Variants in ZNF827 observed in about 807,000 individuals in gnomAD.
The protein encoded by ZNF827 is zinc finger protein 827.
Under a neutral mutation model 102.4 loss-of-function variants are expected in ZNF827, and 13 were observed. The ratio of observed to expected loss-of-function variants is 0.13; its 90% confidence interval spans 0.08 to 0.20. The LOEUF is 0.20. Ranked by LOEUF, ZNF827 falls within the 10% of genes least tolerant of loss-of-function variation. The pLI is 1.00. For synonymous variants in ZNF827, 523 were observed against 536.2 expected, an observed-to-expected ratio of 0.98 and a Z score of 0.34; for missense variants, 1,103 against 1,344.4, an observed-to-expected ratio of 0.82 and a Z score of 2.81.
intron 8 of ZNF827, among the ~76,000 whole-genome samples, chr4:145,822,484 G>A (rs1249124454): frequency 6.6e-6 from 1 of 152,214 alleles, no homozygotes; most frequent in Non-Finnish European, 1.5e-5. Flanking sequence ...TGAGTATGTG[G>A]AGGAGACTTG....
Position 145,938,317 on chromosome 4 carries a change from G to T in ZNF827, c.43+48C>A. The T allele has an allele frequency of 1.9e-6, 3 of 1,610,810 alleles. No homozygotes were observed. In the South Asian group the frequency reaches 3.3e-5, roughly 18 times the overall value. On this transcript the variant is annotated intron_variant, in intron 1 of 14. Coordinates refer to ENST00000508784, the MANE Select transcript of ZNF827 (RefSeq NM_001306215.2). Reference sequence around the variant, plus strand: ...AGGCTGCGGAGGGGAAAGAGGAGAGGGAGGGCGAGAAAATGGCACGAGAGG... The same window carrying T: ...AGGCTGCGGAGGGGAAAGAGGAGAGTGAGGGCGAGAAAATGGCACGAGAGG...
In ZNF827 at chr4:145,902,396, G is replaced by A. The variant is rs750093583; in HGVS notation, c.863C>T (p.Ala288Val). 11 of 1,613,968 alleles carry A rather than the reference G, an allele frequency of 6.8e-6. No individual in the cohort carries two copies. Among genetic ancestry groups the A allele is most frequent in the South Asian group, 3.3e-5 (3 of 91,072 alleles). ...FLSLASMTSS[A>V]ALLKEVAARA... ...TGCGGCCACCTCCTTCAGAAGGGCCGCTGAGGAGGTCATAGAAGCCAGGGA... is the reference window on the plus strand; with the variant it reads ...TGCGGCCACCTCCTTCAGAAGGGCCACTGAGGAGGTCATAGAAGCCAGGGA... Residue 288 changes from alanine to valine, a missense_variant, in exon 2 of 15, where the codon GCG becomes GTG. Physicochemically the swap from Ala to Val is moderately conservative, Grantham distance 64. Transcript: ENST00000508784. This position sits in a 1 kb window ranked among gnomAD's most constrained non-coding sequence, Gnocchi z 4.3.
At chr4:145,787,137 C>T (rs539258060) in intron 8 of ZNF827, among the ~76,000 whole-genome samples, 1 of 152,346 alleles carries the variant, frequency 6.6e-6, no homozygotes, top group Non-Finnish European at 1.5e-5. Context: ...CAAGGTGTTA[C>T]CTCAATGAAC....
intron 7 of ZNF827, 87 bp downstream of exon 7, chr4:145,845,869 A>C: frequency 7.3e-7 from 1 of 1,367,856 alleles, no homozygotes; most frequent in Non-Finnish European, 1.0e-6. Context: ...AGTGGGAGAA[A>C]GAGGTTTGGG....
chr4:145,883,167 C>G (rs1050366291), intron 4 of ZNF827, among the ~76,000 whole-genome samples: 1 of 152,072 alleles, frequency 6.6e-6, no homozygotes, highest in Admixed American at 6.6e-5. Context: ...CATTTACATC[C>G]AAATATGCAC....
At chr4:145,856,682 TACACACACACACACACACACACAC>T (rs58347486) in intron 5 of ZNF827, among the ~76,000 whole-genome samples, 5 of 141,784 alleles carry the variant, frequency 3.5e-5, no homozygotes, top group Admixed American at 2.1e-4. Context: ...AGTACACACA[TACACACACACACACACACACACAC>T]ACACACACAC....
intron 1 of ZNF827, among the ~76,000 whole-genome samples, chr4:145,903,995 G>T (rs983321085): frequency 2.6e-5 from 4 of 152,098 alleles, no homozygotes; most frequent in Non-Finnish European, 5.9e-5. Flanking sequence ...ACAGGCAGCG[G>T]TTAGGAATGT....
intron 4 of ZNF827, among the ~76,000 whole-genome samples, chr4:145,873,085 G>A (rs537033696): frequency 2.0e-5 from 3 of 150,910 alleles, no homozygotes; most frequent in South Asian, 2.1e-4. Context: ...ACAGGCGCCC[G>A]CCACCATGCC....
chr4:145,832,679 C>T (rs1744350687), intron 7 of ZNF827: 1 of 152,236 alleles, frequency 6.6e-6, no homozygotes, highest in Non-Finnish European at 1.5e-5. Context: ...GCCTAGATGG[C>T]CTGAAGTAAC....
At chr4:145,876,731 A>G (rs947734553) in intron 4 of ZNF827, 16 of 152,212 alleles carry the variant, frequency 1.1e-4, no homozygotes, top group African/African-American at 3.9e-4. Flanking sequence ...AGAATTACAG[A>G]TGGCTTTAGG....
intron 4 of ZNF827, among the ~76,000 whole-genome samples, chr4:145,873,510 C>T (rs1748892214): frequency 6.6e-6 from 1 of 152,194 alleles, no homozygotes; most frequent in South Asian, 2.1e-4. Context: ...TAGACCACAG[C>T]ATTACTGAAA....
At position 145,759,458 on chromosome 4, in the gene ZNF827, C is replaced by T. The variant is rs1373782793; in HGVS notation, c.*2158G>A. On this transcript the variant is annotated 3_prime_UTR_variant, in exon 15 of 15. Coordinates refer to ENST00000508784, the MANE Select transcript of ZNF827 (RefSeq NM_001306215.2). ...TAGCCTCCTAGCAGGTTACATCTAC[C>T]AGGCGTTAACAAAATGGAATACAGA... 6.6e-6 allele frequency: 1 copy of T among 152,154 alleles called. No individual in the cohort carries two copies. The highest frequency in any genetic ancestry group is 1.5e-5 in the Non-Finnish European group (1 of 68,040). The allele number at this position is 152,154 out of a possible 1,614,324, so 9.4% of individuals were successfully genotyped here.
rs922477103 is a variant in ZNF827 at position 145,763,406 on chromosome 4, T to C, written c.3231-284A>G. On this transcript the variant is annotated intron_variant, in intron 13 of 14. Transcript: ENST00000508784. This position sits in a 1 kb window ranked among gnomAD's most constrained non-coding sequence, Gnocchi z 4.6. ...CAAAACAAAACAAAGACTCACTGTA[T>C]AGCCAGAAGGCATTATCAATTTTTT... is the stretch of plus-strand genomic sequence containing the variant. Among the ~76,000 whole-genome samples the C allele has an allele frequency of 6.6e-6, 1 of 152,252 alleles. No homozygotes were observed. The highest frequency in any genetic ancestry group is 2.4e-5 in the African/African-American group (1 of 41,468).
chr4:145,870,460 G>A lies in ZNF827; in HGVS notation c.1766C>T (p.Pro589Leu). Reference sequence around the variant, plus strand: ...TTTCACTTTAAAATTAAGATTCATGGGCTCCTTCTGATTTGCAGCTGTCAA... The same window carrying A: ...TTTCACTTTAAAATTAAGATTCATGAGCTCCTTCTGATTTGCAGCTGTCAA... ...MKLSAANQKE[P>L]MNLNFKVKEE... Residue 589 changes from proline to leucine, a missense_variant, in exon 5 of 15, where the codon CCC becomes CTC. Around this residue, in one of 5 missense-constraint regions of ZNF827, gnomAD observed 243 missense variants for 251.6 expected, o/e 0.97. Coordinates refer to ENST00000508784, the MANE Select transcript of ZNF827 (RefSeq NM_001306215.2). The A allele has an allele frequency of 6.2e-7, 1 of 1,613,876 alleles. No individual in the cohort carries two copies. The highest frequency in any genetic ancestry group is 1.1e-5 in the South Asian group (1 of 91,056).
In ZNF827 at chr4:145,765,004, G is replaced by A; in HGVS notation, c.3214C>T (p.Pro1072Ser). 1.2e-6 allele frequency: 2 copies of A among 1,613,602 alleles called. No individual in the cohort carries two copies. The highest frequency in any genetic ancestry group is 1.7e-6 in the Non-Finnish European group (2 of 1,179,756). ...LLEHKKCHTV[P>S]TGGLNSGQW ...TTTCCTTACTTGAGCCCACCGGTGG[G>A]GACAGTGTGGCATTTCTTATGCTCC... The change falls in exon 13 of 15, where the codon CCC (proline) becomes TCC (serine). Residue 1072 changes from proline (P) to serine (S), a missense_variant. By Grantham distance (74) the Pro-to-Ser change is moderately conservative. Transcript: ENST00000508784. The surrounding 1 kb of genome is among the most constrained non-coding windows in gnomAD (Gnocchi z 4.7).
chr4:145,809,828 C>G (rs968043470), intron 8 of ZNF827, among the ~76,000 whole-genome samples: 3 of 152,104 alleles, frequency 2.0e-5, no homozygotes, highest in Non-Finnish European at 4.4e-5. Context: ...CATTCCCTAG[C>G]CCCCTGCCCA....
chr4:145,879,213 G>A (rs751235062), intron 4 of ZNF827, among the ~76,000 whole-genome samples: 1 of 152,116 alleles, frequency 6.6e-6, no homozygotes, highest in Non-Finnish European at 1.5e-5. Flanking sequence ...CTTTGCAGCC[G>A]AAACCTTTAA....
chr4:145,856,985 G>GCGCACACACACA (rs140194085), intron 5 of ZNF827, among the ~76,000 whole-genome samples: 24 of 140,156 alleles, frequency 1.7e-4, no homozygotes, highest in Middle Eastern at 3.7e-3. Context: ...GCACGCGCAC[G>GCGCACACACACA]CACACACACA....
chr4:145,791,019 T>G (rs1739601739), intron 8 of ZNF827, among the ~76,000 whole-genome samples: 1 of 152,226 alleles, frequency 6.6e-6, no homozygotes, highest in South Asian at 2.1e-4. Context: ...AGTTTCTGTT[T>G]GTTGGTTTAT....
Sources: allele counts gnomAD v4.1 joint callset (sites outside exome capture counted in the v4.1 genomes callset), GRCh38; gene constraint gnomAD v4.1.1; regional missense constraint gnomAD v4.1.1; non-coding constraint Gnocchi (gnomAD v3.1); transcripts MANE v1.5; gene names NCBI Gene and HGNC (gene_info 2026-07-23, HGNC 2026-07-21).